The following CNTN4 variants were observed in gnomAD, a reference collection of about 807,000 sequenced individuals.
The protein encoded by CNTN4 is contactin 4, also known as contactin-4.
Under a neutral mutation model 122.5 loss-of-function variants are expected in CNTN4, and 77 were observed. That is an observed-to-expected ratio of 0.63 (90% CI 0.52 to 0.76). The LOEUF (loss-of-function observed/expected upper bound fraction) is 0.76, where lower values mean the gene tolerates loss of function less well. Ranked by LOEUF, CNTN4 falls within the 30% of genes least tolerant of loss-of-function variation. CNTN4 has a pLI of 0.00. For missense variants in CNTN4, 1,256 were observed against 1,259.1 expected, an observed-to-expected ratio of 1.00 and a Z score of 0.04; for synonymous variants, 512 against 447.0, an observed-to-expected ratio of 1.15 and a Z score of -1.83.
chr3:2,210,841 G>C (rs2038583305), intron 2 of CNTN4, among the ~76,000 whole-genome samples: 1 of 152,088 alleles, frequency 6.6e-6, no homozygotes, highest in Admixed American at 6.6e-5. Flanking sequence ...GTTATTAACT[G>C]TTGTATCTTC....
intron 3 of CNTN4, among the ~76,000 whole-genome samples, chr3:2,494,921 A>G (rs984131344): frequency 1.3e-5 from 2 of 152,176 alleles, no homozygotes; most frequent in African/African-American, 4.8e-5. Flanking sequence ...GTTCTATATC[A>G]GGGTTTCTCA....
At chr3:2,432,935 A>G (rs1389496615) in intron 3 of CNTN4, among the ~76,000 whole-genome samples, 2 of 151,484 alleles carry the variant, frequency 1.3e-5, no homozygotes, top group Non-Finnish European at 2.9e-5. Flanking sequence ...CTTCCCAAGT[A>G]GCTGGATTAC....
chr3:2,770,247 C>G (rs973063971), intron 6 of CNTN4, among the ~76,000 whole-genome samples: 5 of 152,150 alleles, frequency 3.3e-5, no homozygotes, highest in African/African-American at 1.2e-4. Context: ...CCAAGCTGGT[C>G]TTGAACTCCT....
intron 3 of CNTN4, among the ~76,000 whole-genome samples, chr3:2,531,745 A>G (rs1008609400): frequency 3.3e-5 from 5 of 152,148 alleles, no homozygotes; most frequent in Admixed American, 2.0e-4. Flanking sequence ...GATGAGTGGA[A>G]TTATCTCCCC....
intron 2 of CNTN4, among the ~76,000 whole-genome samples, chr3:2,300,794 C>G (rs978839418): frequency 6.6e-6 from 1 of 151,910 alleles, no homozygotes; most frequent in African/African-American, 2.4e-5. Context: ...TGGTCTCCAT[C>G]AACAGACCTT....
intron 8 of CNTN4, among the ~76,000 whole-genome samples, chr3:2,881,278 C>G (rs532097429): frequency 6.6e-6 from 1 of 151,956 alleles, no homozygotes; most frequent in African/African-American, 2.4e-5. Flanking sequence ...TTTGGGAGGC[C>G]GAGGCAGACA....
intron 2 of CNTN4, among the ~76,000 whole-genome samples, chr3:2,292,727 TTCTA>T (rs1282463504): frequency 1.3e-5 from 2 of 152,234 alleles, no homozygotes; most frequent in African/African-American, 4.8e-5. Context: ...ATACATATTA[TTCTA>T]TCTATCAGTA....
intron 10 of CNTN4, among the ~76,000 whole-genome samples, chr3:2,888,822 T>C (rs186616074): frequency 6.6e-6 from 1 of 152,258 alleles, no homozygotes; most frequent in East Asian, 1.9e-4. Context: ...TAAATATCCA[T>C]GATTCCTCCT....
chr3:2,729,261 T>A (rs2088466922), intron 4 of CNTN4, among the ~76,000 whole-genome samples: 1 of 152,122 alleles, frequency 6.6e-6, no homozygotes, highest in African/African-American at 2.4e-5. Context: ...ACTGGGATCC[T>A]AACCTGTTTA....
At chr3:3,048,514 C>CTGTGTG (rs1491111533) in intron 23 of CNTN4, among the ~76,000 whole-genome samples, 1 of 134,280 alleles carries the variant, frequency 7.4e-6, no homozygotes, top group African/African-American at 3.3e-5. Context: ...CTCTCTCTCT[C>CTGTGTG]TCTGTGTGTG....
chr3:2,492,281 G>A (rs1158867330), intron 3 of CNTN4, among the ~76,000 whole-genome samples: 1 of 152,068 alleles, frequency 6.6e-6, no homozygotes, highest in Non-Finnish European at 1.5e-5. Flanking sequence ...TAGCATTTGT[G>A]AGCCCTTCCT....
intron 4 of CNTN4, among the ~76,000 whole-genome samples, chr3:2,596,982 C>A (rs1052874961): frequency 1.3e-5 from 2 of 151,826 alleles, no homozygotes; most frequent in African/African-American, 2.4e-5. Flanking sequence ...ATTTGAGTTT[C>A]TCTGGCTTCT....
intron 4 of CNTN4, among the ~76,000 whole-genome samples, chr3:2,645,226 C>G (rs1199742603): frequency 6.6e-6 from 1 of 151,988 alleles, no homozygotes; most frequent in African/African-American, 2.4e-5. Flanking sequence ...AAAAAAAAAG[C>G]CAGTTAGTGA....
rs1412794547 is a variant in CNTN4, at chr3:2,385,093, C to T, written c.-89+45860C>T. Among the ~76,000 whole-genome samples the T allele has an allele frequency of 6.6e-6, 1 of 152,094 alleles. No homozygotes were observed. On this transcript the variant is annotated intron_variant, in intron 3 of 24. Coordinates refer to ENST00000418658, the MANE Select transcript of CNTN4 (RefSeq NM_175607.3). The surrounding 1 kb of genome is among the most constrained non-coding windows in gnomAD (Gnocchi z 4.0). Reference sequence around the variant, plus strand: ...GGTATTACCCAGAACAAATAAATTACATTGCTGATATCAGAGTGACCTGTT... The same window carrying T: ...GGTATTACCCAGAACAAATAAATTATATTGCTGATATCAGAGTGACCTGTT...
At chr3:2,566,752 G>T (rs1268429814) in intron 3 of CNTN4, among the ~76,000 whole-genome samples, 2 of 152,144 alleles carry the variant, frequency 1.3e-5, no homozygotes, top group Non-Finnish European at 2.9e-5. Flanking sequence ...AAGCAAACAT[G>T]TTTACAGAGA....
intron 2 of CNTN4, among the ~76,000 whole-genome samples, chr3:2,111,281 A>G (rs1015146127): frequency 6.6e-6 from 1 of 152,194 alleles, no homozygotes; most frequent in Non-Finnish European, 1.5e-5. Flanking sequence ...ATTGAAATTC[A>G]CCAGCATATT....
intron 3 of CNTN4, among the ~76,000 whole-genome samples, chr3:2,566,518 G>A (rs999881330): frequency 2.6e-5 from 4 of 152,124 alleles, no homozygotes; most frequent in African/African-American, 7.2e-5. Flanking sequence ...TGCCTGCTCT[G>A]GTGGTTCACT....
intron 23 of CNTN4, among the ~76,000 whole-genome samples, chr3:3,052,180 C>T (rs541753782): frequency 6.6e-6 from 1 of 152,252 alleles, no homozygotes; most frequent in Non-Finnish European, 1.5e-5. Flanking sequence ...GATCCCACCT[C>T]TGTGCAGTCT....
chr3:3,049,680 A>G (rs1008769648), intron 23 of CNTN4, among the ~76,000 whole-genome samples: 1 of 152,238 alleles, frequency 6.6e-6, no homozygotes, highest in Non-Finnish European at 1.5e-5. Flanking sequence ...ATTATTTTAT[A>G]GAAAGGCCAA....
Sources: allele counts gnomAD v4.1 joint callset (sites outside exome capture counted in the v4.1 genomes callset), GRCh38; gene constraint gnomAD v4.1.1; non-coding constraint Gnocchi (gnomAD v3.1); transcripts MANE v1.5; gene names NCBI Gene and HGNC (gene_info 2026-07-23, HGNC 2026-07-21).